MRRF: variants seen among roughly 807,000 people sequenced by gnomAD.
MRRF encodes mitochondrial ribosome recycling factor, also known as ribosome-recycling factor, mitochondrial.
Under a neutral mutation model 25.1 loss-of-function variants are expected in MRRF, and 18 were observed. That is an observed-to-expected ratio of 0.72 (90% CI 0.50 to 1.06). MRRF has a LOEUF of 1.06. Among genes scored for constraint, MRRF ranks in the 50% least tolerant of loss-of-function variants. The pLI is 0.00. For synonymous variants in MRRF, 113 were observed against 112.1 expected, an observed-to-expected ratio of 1.01 and a Z score of -0.05; for missense variants, 323 against 319.3, an observed-to-expected ratio of 1.01 and a Z score of -0.09.
At chr9:122,319,066 A>G (rs1835709224) in intron 6 of MRRF, among the ~76,000 whole-genome samples, 1 of 152,048 alleles carries the variant, frequency 6.6e-6, no homozygotes, top group Non-Finnish European at 1.5e-5. Context: ...ACCCCTCCAA[A>G]AGGGAATAAG....
chr9:122,329,143 A>G lies in MRRF; in HGVS notation c.*6526A>G, dbSNP rs530451916. On this transcript the variant is annotated 3_prime_UTR_variant, in exon 7 of 7. Coordinates refer to ENST00000344641, the MANE Select transcript of MRRF (RefSeq NM_138777.5). ...ACCCTGGCATTCAGTAACTTCTGCA[A>G]TCTGGGCCTGATGTATTCCTTTAAT... 2.6e-5 allele frequency: 4 copies of G among 152,298 alleles called. No homozygotes were observed. Among genetic ancestry groups the G allele is most frequent in the East Asian group, 1.9e-4 (1 of 5,180 alleles). 9.4% of individuals were successfully genotyped at this position (152,298 alleles called of 1,614,324 possible).
chr9:122,312,630 C>A (rs1835275794), intron 5 of MRRF, among the ~76,000 whole-genome samples: 1 of 152,158 alleles, frequency 6.6e-6, no homozygotes, highest in African/African-American at 2.4e-5. Context: ...AGACCATTGG[C>A]TTTTGTGACA....
Position 122,329,332 on chromosome 9 carries a change from C to T in MRRF, c.*6715C>T, listed in dbSNP as rs1354611316. 1.3e-5 allele frequency: 2 copies of T among 152,220 alleles called. No homozygotes were observed. Among genetic ancestry groups the T allele is most frequent in the Non-Finnish European group, 2.9e-5 (2 of 68,058 alleles). The allele number at this position is 152,220 out of a possible 1,614,324, so 9.4% of individuals were successfully genotyped here. On this transcript the variant is annotated 3_prime_UTR_variant, in exon 7 of 7. Coordinates refer to ENST00000344641, the MANE Select transcript of MRRF (RefSeq NM_138777.5). Reference sequence around the variant, plus strand: ...TGTATGCTCCCTTAAACCACTTCCCCACCAGCAGGCAAAACTTACCTAGTC... The same window carrying T: ...TGTATGCTCCCTTAAACCACTTCCCTACCAGCAGGCAAAACTTACCTAGTC...
intron 5 of MRRF, among the ~76,000 whole-genome samples, chr9:122,297,970 A>AG (rs1834199637): frequency 6.6e-6 from 1 of 152,166 alleles, no homozygotes; most frequent in South Asian, 2.1e-4. Context: ...CTGTTTACTG[A>AG]GTGCATACTG....
chr9:122,318,303 C>G (rs1835666836), intron 6 of MRRF, among the ~76,000 whole-genome samples: 1 of 152,102 alleles, frequency 6.6e-6, no homozygotes, highest in Non-Finnish European at 1.5e-5. Flanking sequence ...AGGACTCTGA[C>G]ATCTGCCAGC....
At chr9:122,290,002 CG>C (rs1162468569) in intron 4 of MRRF, among the ~76,000 whole-genome samples, 1 of 150,752 alleles carries the variant, frequency 6.6e-6, no homozygotes, top group East Asian at 1.9e-4. Flanking sequence ...TGCAGTGAGC[CG>C]TGATTATGCC....
chr9:122,317,067 AATATATATAT>A (rs71847269), intron 6 of MRRF, among the ~76,000 whole-genome samples: 1 of 145,394 alleles, frequency 6.9e-6, no homozygotes, highest in East Asian at 2.0e-4. Flanking sequence ...GGTTGCAGTG[AATATATATAT>A]ATATATATAT....
At chr9:122,282,807 T>C (rs967023265) in intron 3 of MRRF, among the ~76,000 whole-genome samples, 1 of 152,102 alleles carries the variant, frequency 6.6e-6, no homozygotes, top group African/African-American at 2.4e-5. Context: ...GCCTAGGAGA[T>C]CAGACAAGAT....
chr9:122,268,043 A>T (rs1256347847), intron 1 of MRRF, among the ~76,000 whole-genome samples: 2 of 152,136 alleles, frequency 1.3e-5, no homozygotes, highest in Non-Finnish European at 2.9e-5. Flanking sequence ...CATACTTGGG[A>T]TCTCAACAAA....
At chr9:122,282,376 T>G (rs1237847697) in intron 3 of MRRF, among the ~76,000 whole-genome samples, 1 of 152,238 alleles carries the variant, frequency 6.6e-6, no homozygotes, top group Non-Finnish European at 1.5e-5. Context: ...GAGCACTTTT[T>G]CTGTGCTGAT....
chr9:122,303,867 C>T (rs932124475), intron 5 of MRRF, among the ~76,000 whole-genome samples: 15 of 152,296 alleles, frequency 9.8e-5, no homozygotes, highest in Admixed American at 3.9e-4. Flanking sequence ...GGGCTGCCGA[C>T]GTGAAACCTA....
intron 5 of MRRF, among the ~76,000 whole-genome samples, chr9:122,294,837 T>G (rs1273250137): frequency 6.6e-6 from 1 of 152,210 alleles, no homozygotes; most frequent in Non-Finnish European, 1.5e-5. Flanking sequence ...TGGTATGATT[T>G]CCTTAAACTA....
rs1836219975 is a variant in MRRF, at chr9:122,329,200, C to T, written c.*6583C>T. On this transcript the variant is annotated 3_prime_UTR_variant, in exon 7 of 7. Transcript: ENST00000344641. ...GCATCTCTTACAACTACCCTGATACCACCAGTGCTTAAGCGAAACGGAATT... is the reference window on the plus strand; with the variant it reads ...GCATCTCTTACAACTACCCTGATACTACCAGTGCTTAAGCGAAACGGAATT... 1 of 152,134 alleles carries T rather than the reference C, an allele frequency of 6.6e-6. No individual in the cohort carries two copies. The highest frequency in any genetic ancestry group is 2.4e-5 in the African/African-American group (1 of 41,416). 9.4% of individuals were successfully genotyped at this position (152,134 alleles called of 1,614,324 possible).
At position 122,284,796 on chromosome 9, in the gene MRRF, ATTATT is replaced by A. The variant is rs777914831; in HGVS notation, c.341-370_341-366del. On this transcript the variant is annotated intron_variant, in intron 3 of 6. Coordinates refer to ENST00000344641, the MANE Select transcript of MRRF (RefSeq NM_138777.5). ...TGTTTGTTGAATCTGAATTATTATTATTATTTTGAGACAAGATCTCACTCTGTTGC... is the reference window on the plus strand; with the variant it reads ...TGTTTGTTGAATCTGAATTATTATTATTGAGACAAGATCTCACTCTGTTGC... Among the ~76,000 whole-genome samples, 9 of 152,168 alleles carry A rather than the reference ATTATT, an allele frequency of 5.9e-5. No homozygotes were observed. The East Asian group carries it at 1.5e-3, about 26-fold the overall frequency.
In MRRF at chr9:122,328,885, C is replaced by T. The variant is rs1361845421; in HGVS notation, c.*6268C>T. On this transcript the variant is annotated 3_prime_UTR_variant, in exon 7 of 7. Transcript: ENST00000344641. ...TTTTTTAATAAGAGATGAGGGGTCT[C>T]CCTATGTTGCCCAGGCTGGACTTGA... 2 of 151,738 alleles carry T rather than the reference C, an allele frequency of 1.3e-5. No homozygotes were observed. The highest frequency in any genetic ancestry group is 4.9e-5 in the African/African-American group (2 of 41,232). 9.4% of individuals were successfully genotyped at this position (151,738 alleles called of 1,614,324 possible).
chr9:122,276,692 A>G (rs1488236991), intron 2 of MRRF, among the ~76,000 whole-genome samples: 1 of 152,184 alleles, frequency 6.6e-6, no homozygotes, highest in East Asian at 1.9e-4. Flanking sequence ...GTTGTTTCAT[A>G]GAAGGTCCAA....
intron 4 of MRRF, among the ~76,000 whole-genome samples, chr9:122,289,923 T>A (rs897831087): frequency 1.3e-5 from 2 of 151,596 alleles, no homozygotes; most frequent in Non-Finnish European, 2.9e-5. Flanking sequence ...AGCTCTTCTT[T>A]CTTTTTTTCC....
At chr9:122,280,175 C>G (rs1413895592) in intron 2 of MRRF, among the ~76,000 whole-genome samples, 1 of 152,168 alleles carries the variant, frequency 6.6e-6, no homozygotes, top group Non-Finnish European at 1.5e-5. Context: ...GATAACTTGC[C>G]TAAGGTCATA....
At chr9:122,317,660 G>A (rs1289287847) in intron 6 of MRRF, among the ~76,000 whole-genome samples, 1 of 152,124 alleles carries the variant, frequency 6.6e-6, no homozygotes, top group African/African-American at 2.4e-5. Flanking sequence ...AAAGTCACAT[G>A]CACATGGGGT....
Sources: gnomAD v4.1 joint callset for allele counts (sites outside exome capture counted in the v4.1 genomes callset) on GRCh38, gnomAD v4.1.1 for gene constraint, MANE v1.5 for transcripts, NCBI Gene and HGNC (gene_info 2026-07-23, HGNC 2026-07-21) for gene names.